CACNB2: variants seen among roughly 807,000 people sequenced by gnomAD.
CACNB2 encodes the protein voltage-dependent L-type calcium channel subunit beta-2.
CACNB2 carries 42 observed loss-of-function variants against 73.3 expected under a neutral mutation model. That is an observed-to-expected ratio of 0.57 (90% CI 0.45 to 0.74). CACNB2 has a LOEUF of 0.74. Ranked by LOEUF, CACNB2 falls within the 30% of genes least tolerant of loss-of-function variation. The pLI is 0.00. For synonymous variants in CACNB2, 348 were observed against 310.3 expected (o/e 1.12, Z -1.28); for missense variants, 940 against 853.0 (o/e 1.10, Z -1.27).
At chr10:18,439,398 C>T (rs1035573813) in intron 3 of CACNB2, among the ~76,000 whole-genome samples, 30 of 152,108 alleles carry the variant, frequency 2.0e-4, no homozygotes, top group African/African-American at 7.0e-4. Flanking sequence ...AATTTGAGTC[C>T]TGGTTTTAGG....
chr10:18,535,656 C>T (rs999116873), intron 11 of CACNB2, among the ~76,000 whole-genome samples: 22 of 152,008 alleles, frequency 1.4e-4, no homozygotes, highest in African/African-American at 5.3e-4. Context: ...GCCTGTAGTC[C>T]TAGCTACTTG....
At chr10:18,168,123 C>T (rs2032984839) in intron 2 of CACNB2, among the ~76,000 whole-genome samples, 1 of 152,128 alleles carries the variant, frequency 6.6e-6, no homozygotes, top group African/African-American at 2.4e-5. Flanking sequence ...TTTACTTCTC[C>T]TGCAAAAGCA....
At chr10:18,242,022 C>G (rs1588818069) in intron 2 of CACNB2, among the ~76,000 whole-genome samples, 1 of 151,786 alleles carries the variant, frequency 6.6e-6, no homozygotes, top group Non-Finnish European at 1.5e-5. Flanking sequence ...TATTCAAATT[C>G]TAGTACATAG....
chr10:18,222,009 G>C (rs2035811816), intron 2 of CACNB2, among the ~76,000 whole-genome samples: 1 of 152,232 alleles, frequency 6.6e-6, no homozygotes, highest in Non-Finnish European at 1.5e-5. Flanking sequence ...CAGTCCTAGA[G>C]ATTGGCTGGC....
chr10:18,295,970 T>C (rs374604300), intron 2 of CACNB2, among the ~76,000 whole-genome samples: 89 of 150,958 alleles, frequency 5.9e-4, no homozygotes, highest in Middle Eastern at 6.8e-3. Context: ...CTCTCTCCAG[T>C]TGTCAAAAAT....
At chr10:18,229,988 A>G (rs1416096729) in intron 2 of CACNB2, among the ~76,000 whole-genome samples, 1 of 152,202 alleles carries the variant, frequency 6.6e-6, no homozygotes, top group Admixed American at 6.5e-5. Flanking sequence ...ATTCCTCCAT[A>G]AGTCAGCCTC....
At chr10:18,438,062 G>C (rs2046230198) in intron 3 of CACNB2, among the ~76,000 whole-genome samples, 1 of 124,338 alleles carries the variant, frequency 8.0e-6, no homozygotes, top group African/African-American at 3.1e-5. Context: ...CTGTCACCCA[G>C]GCTGGAATGC....
intron 3 of CACNB2, among the ~76,000 whole-genome samples, chr10:18,456,988 T>G (rs867036336): frequency 6.6e-6 from 1 of 152,178 alleles, no homozygotes; most frequent in African/African-American, 2.4e-5. Context: ...CCTTCAGACC[T>G]CTGCCTTCTA....
At chr10:18,468,004 A>G (rs995722336) in intron 3 of CACNB2, among the ~76,000 whole-genome samples, 15 of 152,214 alleles carry the variant, frequency 9.9e-5, no homozygotes, top group Non-Finnish European at 2.9e-5. Context: ...GAATGAATTC[A>G]CAATGTATGA....
At chr10:18,254,718 T>C (rs554175861) in intron 2 of CACNB2, among the ~76,000 whole-genome samples, 18 of 152,290 alleles carry the variant, frequency 1.2e-4, no homozygotes, top group African/African-American at 2.9e-4. Flanking sequence ...AGCAGCCAGA[T>C]AGAGATTTTG....
chr10:18,219,022 A>G (rs1421892776), intron 2 of CACNB2, among the ~76,000 whole-genome samples: 2 of 152,110 alleles, frequency 1.3e-5, no homozygotes, highest in South Asian at 2.1e-4. Context: ...AAAATTAGCC[A>G]GGTGTAATGG....
intron 3 of CACNB2, among the ~76,000 whole-genome samples, chr10:18,470,413 A>G (rs1482566307): frequency 6.8e-6 from 1 of 147,116 alleles, no homozygotes; most frequent in Non-Finnish European, 1.5e-5. Context: ...TACATATAGT[A>G]TATAACATAT....
intron 2 of CACNB2, among the ~76,000 whole-genome samples, chr10:18,211,375 C>T (rs1210921854): frequency 6.6e-6 from 1 of 152,216 alleles, no homozygotes; most frequent in East Asian, 1.9e-4. Flanking sequence ...TTGACTGGTT[C>T]TATTTTTAAA....
At position 18,534,207 on chromosome 10, in the gene CACNB2, G is replaced by T. The variant is rs754874754; in HGVS notation, c.1186G>T (p.Val396Leu). ...KTSLAPIIVYVKISSPKVLQR... is the reference protein window; with the variant it reads ...KTSLAPIIVYLKISSPKVLQR... ...CTCCTTGGCCCCTATTATAGTATAT[G>T]TAAAGATTTCTTCTCCTAAGGTAAG... Residue 396 changes from valine (V) to leucine (L), a missense_variant, in exon 11 of 14, where the codon GTA becomes TTA. Coordinates refer to ENST00000324631, the MANE Select transcript of CACNB2 (RefSeq NM_201596.3). 6.2e-7 allele frequency: 1 copy of T among 1,613,324 alleles called. No individual in the cohort carries two copies. The highest frequency in any genetic ancestry group is 8.5e-7 in the Non-Finnish European group (1 of 1,179,406).
At chr10:18,211,348 A>T (rs2035309190) in intron 2 of CACNB2, among the ~76,000 whole-genome samples, 1 of 152,188 alleles carries the variant, frequency 6.6e-6, no homozygotes, top group African/African-American at 2.4e-5. Context: ...TTATTTAATC[A>T]TTTATGAGTA....
At chr10:18,494,285 T>C (rs1225567797) in intron 3 of CACNB2, among the ~76,000 whole-genome samples, 3 of 152,150 alleles carry the variant, frequency 2.0e-5, no homozygotes, top group Non-Finnish European at 4.4e-5. Flanking sequence ...GTGTCTTACA[T>C]TGATGAAAAA....
At chr10:18,147,662 G>T (rs1036641839) in intron 1 of CACNB2, among the ~76,000 whole-genome samples, 1 of 152,000 alleles carries the variant, frequency 6.6e-6, no homozygotes, top group African/African-American at 2.4e-5. Flanking sequence ...TAGAAAAACT[G>T]TTCACAAAAG....
intron 3 of CACNB2, among the ~76,000 whole-genome samples, chr10:18,461,718 G>A (rs573938278): frequency 3.5e-4 from 49 of 140,390 alleles, no homozygotes; most frequent in Non-Finnish European, 6.2e-4. Context: ...ACTGCTCACC[G>A]CCCCCAGCTG....
At chr10:18,401,099 G>T (rs917297571) in intron 2 of CACNB2, 1 of 1,614,190 alleles carries the variant, frequency 6.2e-7, no homozygotes, top group Non-Finnish European at 8.5e-7. Context: ...TCTGATATCT[G>T]TGTAAGCGCA....
Sources: gnomAD v4.1 joint callset for allele counts (sites outside exome capture counted in the v4.1 genomes callset) on GRCh38, gnomAD v4.1.1 for gene constraint, MANE v1.5 for transcripts, NCBI Gene and HGNC (gene_info 2026-07-23, HGNC 2026-07-21) for gene names.